PTPRT: variants seen among roughly 807,000 people sequenced by gnomAD.
The protein encoded by PTPRT is receptor-type tyrosine-protein phosphatase T.
PTPRT carries 56 observed loss-of-function variants against 176.8 expected under a neutral mutation model. That is an observed-to-expected ratio of 0.32 (90% CI 0.26 to 0.40). The LOEUF (loss-of-function observed/expected upper bound fraction) is 0.40, where lower values mean the gene tolerates loss of function less well. PTPRT is among the 10% of genes least tolerant of loss of function. PTPRT has a pLI of 1.00. For missense variants in PTPRT, 1,540 were observed against 1,908.2 expected (o/e 0.81, Z 3.60); for synonymous variants, 783 against 739.0 (o/e 1.06, Z -0.96).
At chr20:42,711,026 A>G (rs1157076190) in intron 6 of PTPRT, among the ~76,000 whole-genome samples, 1 of 152,192 alleles carries the variant, frequency 6.6e-6, no homozygotes, top group Admixed American at 6.5e-5. Flanking sequence ...CTTCGGGCCA[A>G]TTTCTCCCTT....
chr20:42,106,687 C>T (rs1473314024), intron 24 of PTPRT, 99 bp downstream of exon 24: 3 of 1,479,600 alleles, frequency 2.0e-6, no homozygotes, highest in Non-Finnish European at 2.8e-6. Context: ...AGGTCCTTTC[C>T]ATAGGATGCC....
At chr20:42,161,587 T>C (rs1409702011) in intron 16 of PTPRT, 45 bp from the exon 17 acceptor site, 1 of 1,538,662 alleles carries the variant, frequency 6.5e-7, no homozygotes, top group African/African-American at 1.4e-5. Flanking sequence ...TATAGAAGCT[T>C]TGCCCTTTGT....
chr20:43,051,710 A>C (rs1320470241), intron 1 of PTPRT, among the ~76,000 whole-genome samples: 1 of 151,634 alleles, frequency 6.6e-6, no homozygotes, highest in East Asian at 1.9e-4. Flanking sequence ...CAACTTATTG[A>C]ACCGCAGCTG....
At chr20:42,962,766 C>G (rs564686001) in intron 1 of PTPRT, among the ~76,000 whole-genome samples, 2 of 152,286 alleles carry the variant, frequency 1.3e-5, no homozygotes, top group Non-Finnish European at 2.9e-5. Context: ...CTGCCAAATA[C>G]TAAAAGAAAT....
chr20:42,985,379 C>T (rs2146094782), intron 1 of PTPRT, among the ~76,000 whole-genome samples: 1 of 152,160 alleles, frequency 6.6e-6, no homozygotes, highest in African/African-American at 2.4e-5. Context: ...CCTGTAATCC[C>T]AGCTACTCGG....
At chr20:42,326,614 T>C (rs1266984775) in intron 11 of PTPRT, among the ~76,000 whole-genome samples, 2 of 152,050 alleles carry the variant, frequency 1.3e-5, no homozygotes, top group Non-Finnish European at 2.9e-5. Flanking sequence ...AAGAAACGTA[T>C]AGGACTGACA....
intron 7 of PTPRT, among the ~76,000 whole-genome samples, chr20:42,485,200 A>G (rs1389356745): frequency 6.6e-6 from 1 of 152,222 alleles, no homozygotes; most frequent in Non-Finnish European, 1.5e-5. Flanking sequence ...CAGAGAAAGG[A>G]AAAAAGATTT....
intron 13 of PTPRT, among the ~76,000 whole-genome samples, chr20:42,269,517 G>C (rs1383640389): frequency 6.6e-6 from 1 of 152,212 alleles, no homozygotes; most frequent in East Asian, 1.9e-4. Context: ...TAGGTCAGCA[G>C]ATTATCTTTT....
chr20:42,127,027 T>A (rs1987891833), intron 19 of PTPRT, among the ~76,000 whole-genome samples: 1 of 152,010 alleles, frequency 6.6e-6, no homozygotes, highest in Non-Finnish European at 1.5e-5. Context: ...CAGAAACCAG[T>A]CTATGTGTTT....
chr20:42,398,685 A>T (rs773280926), intron 9 of PTPRT, among the ~76,000 whole-genome samples: 2 of 152,054 alleles, frequency 1.3e-5, no homozygotes, highest in Non-Finnish European at 2.9e-5. Context: ...CCTCACAGAG[A>T]CTCTATGTGT....
At chr20:42,526,947 T>G (rs558561650) in intron 7 of PTPRT, among the ~76,000 whole-genome samples, 1 of 146,730 alleles carries the variant, frequency 6.8e-6, no homozygotes, top group Admixed American at 6.8e-5. Flanking sequence ...GACTTCTTGG[T>G]TCTTTTTTCT....
chr20:42,113,311 C>T (rs888717586), intron 22 of PTPRT, among the ~76,000 whole-genome samples: 7 of 152,232 alleles, frequency 4.6e-5, no homozygotes, highest in Admixed American at 2.0e-4. Flanking sequence ...CCTCCCTGCC[C>T]GTGTCGCCAG....
chr20:42,932,956 C>T (rs1406272937), intron 1 of PTPRT, among the ~76,000 whole-genome samples: 1 of 152,206 alleles, frequency 6.6e-6, no homozygotes, highest in Non-Finnish European at 1.5e-5. Flanking sequence ...CCCTCATTCT[C>T]ACCTCTTCCA....
At chr20:42,371,539 C>T (rs975873410) in intron 9 of PTPRT, among the ~76,000 whole-genome samples, 16 of 152,208 alleles carry the variant, frequency 1.1e-4, no homozygotes, top group Non-Finnish European at 1.8e-4. Flanking sequence ...AAGCAACACA[C>T]ACAAAAGGGC....
chr20:42,737,202 C>T (rs1431882996), intron 6 of PTPRT, among the ~76,000 whole-genome samples: 2 of 152,112 alleles, frequency 1.3e-5, no homozygotes. Context: ...TGACTGGCAT[C>T]CTTCTAAAAT....
intron 8 of PTPRT, among the ~76,000 whole-genome samples, chr20:42,468,294 T>A (rs2071134134): frequency 6.6e-6 from 1 of 152,208 alleles, no homozygotes; most frequent in African/African-American, 2.4e-5. Flanking sequence ...TCAGTTAATC[T>A]ACTAGAGCCA....
At chr20:42,363,033 G>A (rs1027595407) in intron 9 of PTPRT, among the ~76,000 whole-genome samples, 1 of 143,588 alleles carries the variant, frequency 7.0e-6, no homozygotes, top group Non-Finnish European at 1.5e-5. Context: ...GAATGCAGGA[G>A]GCAGAGACTG....
rs2011899206 is a variant in PTPRT at position 43,092,025 on chromosome 20, C to A, written c.88+97621G>T. Among the ~76,000 whole-genome samples, 3 of 152,210 alleles carry A rather than the reference C, an allele frequency of 2.0e-5. 1 individual carries two copies. On this transcript the variant is annotated intron_variant, in intron 1 of 30. Transcript: ENST00000373187. ...CACAGTTCTGGGATGGGGTACGGTT[C>A]TCACTGCAGAGACATTCATCCCTGT...
intron 2 of PTPRT, among the ~76,000 whole-genome samples, chr20:42,793,714 T>C (rs1378323562): frequency 2.6e-5 from 4 of 152,144 alleles, no homozygotes; most frequent in Admixed American, 6.5e-5. Context: ...GGAGCAATTA[T>C]AGGGGCAGAA....
Sources: allele counts gnomAD v4.1 joint callset (sites outside exome capture counted in the v4.1 genomes callset), GRCh38; gene constraint gnomAD v4.1.1; transcripts MANE v1.5; gene names NCBI Gene and HGNC (gene_info 2026-07-23, HGNC 2026-07-21).